Variants in SH3TC2 observed in about 807,000 individuals in gnomAD.
SH3TC2 encodes the protein SH3 domain and tetratricopeptide repeat-containing protein 2.
Under a neutral mutation model 124.5 loss-of-function variants are expected in SH3TC2, and 87 were observed. The ratio of observed to expected loss-of-function variants is 0.70; its 90% CI spans 0.59 to 0.84. The LOEUF (loss-of-function observed/expected upper bound fraction) is 0.84. SH3TC2 is among the 40% of genes least tolerant of loss of function. The pLI is 0.00. For missense variants in SH3TC2, 1,536 were observed against 1,566.4 expected (o/e 0.98, Z 0.33); for synonymous variants, 634 against 628.5 (o/e 1.01, Z -0.13).
rs558642724 is a variant in SH3TC2 at position 148,999,948 on chromosome 5, C to A, written c.*4763G>T. ...GAAAACATCACCCCCTGTCCACCCT[C>A]TGGACCTTTGCTTGACACATGCACT... On this transcript the variant is annotated 3_prime_UTR_variant, in exon 17 of 17. Coordinates refer to ENST00000515425, the MANE Select transcript of SH3TC2 (RefSeq NM_024577.4). Among the ~76,000 whole-genome samples the A allele has an allele frequency of 6.6e-6, 1 of 152,276 alleles. No individual in the cohort carries two copies. Among genetic ancestry groups the A allele is most frequent in the East Asian group, 1.9e-4 (1 of 5,186 alleles).
intron 3 of SH3TC2, chr5:149,046,848 A>C (rs1246011895): frequency 6.6e-6 from 1 of 152,218 alleles, no homozygotes; most frequent in Non-Finnish European, 1.5e-5. Context: ...AATAAAATTC[A>C]AAAAAATGTA....
intron 1 of SH3TC2, among the ~76,000 whole-genome samples, chr5:149,052,518 T>C (rs553666134): frequency 5.3e-5 from 8 of 152,188 alleles, no homozygotes; most frequent in Non-Finnish European, 1.0e-4. Flanking sequence ...CTTAGAACAC[T>C]GAAGGTGCTC....
At position 148,994,088 on chromosome 5, in the gene SH3TC2, C is replaced by T. The variant is rs537359669; in HGVS notation, c.*10623G>A. Among the ~76,000 whole-genome samples the T allele has an allele frequency of 2.0e-5, 3 of 152,306 alleles. No homozygotes were observed. Among genetic ancestry groups the T allele is most frequent in the Non-Finnish European group, 4.4e-5 (3 of 68,018 alleles). On this transcript the variant is annotated 3_prime_UTR_variant, in exon 17 of 17. Transcript: ENST00000515425. ...TGGAGCTGTTCAGTCTACTACCATG[C>T]ATCCCAGACAGGATGTTCAGGTGAA... is the stretch of plus-strand genomic sequence containing the variant.
At chr5:149,060,176 A>C (rs190152335) in intron 1 of SH3TC2, among the ~76,000 whole-genome samples, 3 of 152,362 alleles carry the variant, frequency 2.0e-5, no homozygotes, top group South Asian at 2.1e-4. Flanking sequence ...AATCTGCCAA[A>C]TTTCTTCAAA....
intron 9 of SH3TC2, 72 bp downstream of exon 9, chr5:149,031,482 T>C: frequency 6.3e-7 from 1 of 1,599,330 alleles, no homozygotes; most frequent in Non-Finnish European, 8.6e-7. Context: ...GGGTATTCTA[T>C]TCCTGGTTAG....
At chr5:149,038,547 T>C in intron 7 of SH3TC2, 57 bp from the exon 8 acceptor site, 1 of 1,557,316 alleles carries the variant, frequency 6.4e-7, no homozygotes, top group Non-Finnish European at 8.9e-7. Context: ...GAGCCTCCCA[T>C]CACCTTCCAA....
At chr5:149,045,454 A>G (rs1754442372) in intron 3 of SH3TC2, 1 of 152,170 alleles carries the variant, frequency 6.6e-6, no homozygotes, top group South Asian at 2.1e-4. Context: ...TTATAGCTAA[A>G]TCTTTGTGCA....
intron 12 of SH3TC2, among the ~76,000 whole-genome samples, chr5:149,024,511 T>G (rs1364113216): frequency 6.6e-6 from 1 of 152,246 alleles, no homozygotes; most frequent in Non-Finnish European, 1.5e-5. Flanking sequence ...GTATGAATAT[T>G]CAGTGTCAGA....
intron 1 of SH3TC2, among the ~76,000 whole-genome samples, chr5:149,062,139 G>A (rs1754762471): frequency 6.6e-6 from 1 of 152,068 alleles, no homozygotes. Flanking sequence ...AAGACACAGA[G>A]TTCTAACAAG....
At chr5:149,024,599 A>T (rs1754033016) in intron 12 of SH3TC2, among the ~76,000 whole-genome samples, 2 of 152,258 alleles carry the variant, frequency 1.3e-5, no homozygotes, top group Admixed American at 6.5e-5. Context: ...AGATGGAAAG[A>T]GACCAAGAGG....
chr5:149,034,064 T>G (rs1023005461), intron 8 of SH3TC2, among the ~76,000 whole-genome samples: 1 of 151,702 alleles, frequency 6.6e-6, no homozygotes, highest in African/African-American at 2.4e-5. Flanking sequence ...GACAATAATC[T>G]GAAGAAGAAT....
rs115379953 is a variant in SH3TC2, at chr5:149,020,517, T to A, written c.3053+6055A>T. On this transcript the variant is annotated intron_variant, in intron 12 of 16. Coordinates refer to ENST00000515425, the MANE Select transcript of SH3TC2 (RefSeq NM_024577.4). ...TTAAATGTAAACGTATTAAACACTC[T>A]AGTTAAAAGACAAACATTGAAGAAT... 6.0e-3 allele frequency among the ~76,000 whole-genome samples: 907 copies of A among 152,320 alleles called. 5 individuals carry two copies. Among genetic ancestry groups the A allele is most frequent in the Non-Finnish European group, 9.7e-3 (659 of 68,022 alleles).
In SH3TC2 at chr5:149,004,502, C is replaced by G; in HGVS notation, c.*209G>C. On this transcript the variant is annotated 3_prime_UTR_variant, in exon 17 of 17. Transcript: ENST00000515425. ...ACCGGTAAAGGCTCCAGATGCAAAG[C>G]CTGGAACCAGGAATTCTCATCGCTG... is the stretch of plus-strand genomic sequence containing the variant. 1.7e-6 allele frequency: 1 copy of G among 601,842 alleles called. No individual in the cohort carries two copies. The highest frequency in any genetic ancestry group is 2.9e-6 in the Non-Finnish European group (1 of 344,862). 37.3% of individuals were successfully genotyped at this position (601,842 alleles called of 1,614,324 possible). A position where few individuals can be genotyped will look rare whatever the true frequency, so the allele number is the denominator to read the frequency against.
In SH3TC2 at chr5:149,027,763, C is replaced by G; in HGVS notation, c.1969G>C (p.Glu657Gln). The G allele has an allele frequency of 6.2e-7, 1 of 1,613,932 alleles. No individual in the cohort carries two copies. The highest frequency in any genetic ancestry group is 8.5e-7 in the Non-Finnish European group (1 of 1,179,962). ...GRHEEVLPFA[E>Q]RLQLLSGHPP... Reference sequence around the variant, plus strand: ...TGTCCAGAGAGGAGCTGCAGGCGCTCGGCAAAGGGCAGGACCTCCTCGTGC... The same window carrying G: ...TGTCCAGAGAGGAGCTGCAGGCGCTGGGCAAAGGGCAGGACCTCCTCGTGC... The change falls in exon 11 of 17, where the codon GAG (glutamate) becomes CAG (glutamine). Residue 657 changes from glutamate (E) to glutamine (Q), a missense_variant. Transcript: ENST00000515425.
At chr5:149,030,849 C>T (rs1754179951) in intron 9 of SH3TC2, among the ~76,000 whole-genome samples, 1 of 152,246 alleles carries the variant, frequency 6.6e-6, no homozygotes, top group African/African-American at 2.4e-5. Flanking sequence ...CTCAAGTCAC[C>T]ATCAATGAGA....
intron 3 of SH3TC2, chr5:149,047,578 T>C: frequency 2.5e-6 from 1 of 406,962 alleles, no homozygotes; most frequent in Non-Finnish European, 4.7e-6. Flanking sequence ...CAACTCCCAT[T>C]CTATATAGGT....
At chr5:149,029,655 G>C (rs754887488) in intron 9 of SH3TC2, among the ~76,000 whole-genome samples, 231 of 152,152 alleles carry the variant, frequency 1.5e-3, no homozygotes, top group Middle Eastern at 3.4e-3. Context: ...GACTGAAAAG[G>C]CACAGTCAGA....
rs1054622345 is a variant in SH3TC2 at position 149,000,170 on chromosome 5, A to G, written c.*4541T>C. 2.6e-5 allele frequency among the ~76,000 whole-genome samples: 4 copies of G among 152,326 alleles called. No homozygotes were observed. Among genetic ancestry groups the G allele is most frequent in the African/African-American group, 9.6e-5 (4 of 41,578 alleles). ...AATGCTTCTGATACTGAATCATATT[A>G]CATAATATATCATTTGCCCCTTTCC... On this transcript the variant is annotated 3_prime_UTR_variant, in exon 17 of 17. Transcript: ENST00000515425.
intron 14 of SH3TC2, 68 bp downstream of exon 14, chr5:149,010,202 A>G (rs1442779691): frequency 4.3e-6 from 7 of 1,612,166 alleles, no homozygotes; most frequent in Non-Finnish European, 2.5e-6. Context: ...CTCAGGCCGA[A>G]GTCCAGCCTG....
Sources: gnomAD v4.1 joint callset for allele counts (sites outside exome capture counted in the v4.1 genomes callset) on GRCh38, gnomAD v4.1.1 for gene constraint, MANE v1.5 for transcripts, NCBI Gene and HGNC (gene_info 2026-07-23, HGNC 2026-07-21) for gene names.